SENP5: variants seen among roughly 807,000 people sequenced by gnomAD.
The protein encoded by SENP5 is SUMO specific peptidase 5, also known as sentrin-specific protease 5.
In SENP5, 21 loss-of-function variants were observed where a neutral mutation model predicts 74.2. The ratio of observed to expected loss-of-function variants is 0.28; its 90% CI spans 0.20 to 0.41. The LOEUF is 0.41. SENP5 is among the 10% of genes least tolerant of loss of function. SENP5 has a pLI of 1.00. For missense variants in SENP5, 717 were observed against 889.1 expected, an observed-to-expected ratio of 0.81 and a Z score of 2.46; for synonymous variants, 311 against 312.7, an observed-to-expected ratio of 0.99 and a Z score of 0.06.
intron 6 of SENP5, among the ~76,000 whole-genome samples, chr3:196,909,944 A>G (rs1715053244): frequency 6.6e-6 from 1 of 151,018 alleles, no homozygotes; most frequent in Non-Finnish European, 1.5e-5. Flanking sequence ...ATTCAGATAG[A>G]AAGAGAGGAA....
chr3:196,925,826 ATAAT>A (rs1415600759), intron 7 of SENP5, among the ~76,000 whole-genome samples: 1 of 152,192 alleles, frequency 6.6e-6, no homozygotes, highest in African/African-American at 2.4e-5. Flanking sequence ...AATTGGCCTA[ATAAT>A]TTTGCACATT....
chr3:196,922,822 C>T (rs903556661), intron 6 of SENP5, among the ~76,000 whole-genome samples: 14 of 152,052 alleles, frequency 9.2e-5, no homozygotes, highest in African/African-American at 3.4e-4. Flanking sequence ...AGTGTTTCGC[C>T]ATGTCACCCA....
At chr3:196,876,876 A>G (rs1713500065) in intron 1 of SENP5, among the ~76,000 whole-genome samples, 1 of 152,196 alleles carries the variant, frequency 6.6e-6, no homozygotes, top group Admixed American at 6.5e-5. Context: ...CTCTCAAAAA[A>G]ATAAGAAAGA....
chr3:196,891,542 G>A (rs1714199437), intron 2 of SENP5, among the ~76,000 whole-genome samples: 1 of 152,204 alleles, frequency 6.6e-6, no homozygotes, highest in Non-Finnish European at 1.5e-5. Flanking sequence ...GAGGCAGAAG[G>A]ATCGCTTGAG....
intron 1 of SENP5, among the ~76,000 whole-genome samples, chr3:196,880,210 T>G (rs1713663308): frequency 6.6e-6 from 1 of 152,148 alleles, no homozygotes; most frequent in African/African-American, 2.4e-5. Context: ...CCTCCCAAAG[T>G]GCTGGGATCA....
intron 6 of SENP5, among the ~76,000 whole-genome samples, chr3:196,908,125 T>G (rs996871831): frequency 8.6e-5 from 13 of 151,886 alleles, no homozygotes; most frequent in Admixed American, 3.9e-4. Context: ...TATAAAAAAT[T>G]TAAAAAACTT....
chr3:196,870,367 T>G (rs1560135564), intron 1 of SENP5, among the ~76,000 whole-genome samples: 1 of 152,328 alleles, frequency 6.6e-6, no homozygotes, highest in East Asian at 1.9e-4. Flanking sequence ...GGGAAATATA[T>G]TCATTCTCCA....
intron 2 of SENP5, among the ~76,000 whole-genome samples, chr3:196,892,679 G>A (rs1186846333): frequency 6.6e-5 from 10 of 152,044 alleles, no homozygotes; most frequent in African/African-American, 9.7e-5. Context: ...CCTGTCTAAC[G>A]GAAGCTTTAT....
chr3:196,907,437 CAG>C (rs1560153410), intron 6 of SENP5, among the ~76,000 whole-genome samples: 4 of 132,488 alleles, frequency 3.0e-5, no homozygotes, highest in Non-Finnish European at 3.1e-5. Flanking sequence ...GCCTGGGCGA[CAG>C]AGAGACTCCG....
At chr3:196,898,254 C>G (rs979551180) in intron 2 of SENP5, among the ~76,000 whole-genome samples, 1 of 151,354 alleles carries the variant, frequency 6.6e-6, no homozygotes, top group Admixed American at 6.6e-5. Flanking sequence ...GTGGATCATT[C>G]AGGGATATAT....
At chr3:196,925,014 A>T (rs969079807) in intron 7 of SENP5, among the ~76,000 whole-genome samples, 1 of 152,236 alleles carries the variant, frequency 6.6e-6, no homozygotes, top group African/African-American at 2.4e-5. Flanking sequence ...ATAGTACACA[A>T]ATACATGCAG....
chr3:196,926,235 GC>G (rs1715805643), intron 7 of SENP5, among the ~76,000 whole-genome samples: 2 of 152,154 alleles, frequency 1.3e-5, no homozygotes, highest in African/African-American at 2.4e-5. Flanking sequence ...TGTGATCCCA[GC>G]ACTTTGGGAG....
At chr3:196,869,759 C>CAAAA (rs58745670) in intron 1 of SENP5, among the ~76,000 whole-genome samples, 608 of 37,444 alleles carry the variant, frequency 0.016, 67 homozygotes, top group African/African-American at 0.056. Flanking sequence ...AACTCCGTCT[C>CAAAA]AAAAAAAAAA....
chr3:196,918,265 C>T (rs947801266), intron 6 of SENP5, among the ~76,000 whole-genome samples: 7 of 150,804 alleles, frequency 4.6e-5, no homozygotes, highest in Admixed American at 1.3e-4. Context: ...CCTGATTGTG[C>T]CACTGCACTC....
chr3:196,894,281 GC>G (rs1714347144), intron 2 of SENP5, among the ~76,000 whole-genome samples: 1 of 151,578 alleles, frequency 6.6e-6, no homozygotes. Flanking sequence ...CCGCCACCAC[GC>G]CCGGCTAATT....
intron 9 of SENP5, 144 bp from the exon 10 acceptor site, chr3:196,930,669 C>T: frequency 1.6e-6 from 1 of 611,450 alleles, no homozygotes. Context: ...GGAAAAATTG[C>T]CTTACACGTA....
intron 7 of SENP5, among the ~76,000 whole-genome samples, chr3:196,925,886 A>C (rs780118983): frequency 3.9e-5 from 6 of 152,222 alleles, no homozygotes; most frequent in Non-Finnish European, 5.9e-5. Flanking sequence ...GATAGCTAGA[A>C]GTCATTTAGA....
rs752333800 is a variant in SENP5, at chr3:196,899,970, C to A, written c.1666C>A (p.Gln556Lys). 6.2e-7 allele frequency: 1 copy of A among 1,613,910 alleles called. No individual in the cohort carries two copies. ...REITNYRARH[Q>K]KCNFRIFYNK... The stretch of plus-strand genomic sequence containing the variant: ...AATAACAAACTATCGGGCCAGACAT[C>A]AAAAATGTAACTTCCGTATCTTCTA... The change falls in exon 4 of 10, where the codon CAA (glutamine) becomes AAA (lysine). Residue 556 changes from glutamine (Q) to lysine (K), a missense_variant. Physicochemically the swap from Gln to Lys is moderately conservative, Grantham distance 53. Around this residue, in one of 4 missense-constraint regions of SENP5, gnomAD observed 64 missense variants for 100.8 expected, o/e 0.64. Transcript: ENST00000323460.
intron 2 of SENP5, among the ~76,000 whole-genome samples, chr3:196,887,086 G>A (rs886170962): frequency 6.6e-6 from 1 of 152,134 alleles, no homozygotes; most frequent in African/African-American, 2.4e-5. Context: ...ACAGATCACA[G>A]AGTTTTGTTT....
Sources: allele counts gnomAD v4.1 joint callset (sites outside exome capture counted in the v4.1 genomes callset), GRCh38; gene constraint gnomAD v4.1.1; regional missense constraint gnomAD v4.1.1; transcripts MANE v1.5; gene names NCBI Gene and HGNC (gene_info 2026-07-23, HGNC 2026-07-21).